ARHGAP32: variants seen among roughly 807,000 people sequenced by gnomAD.
ARHGAP32 encodes rho GTPase-activating protein 32.
ARHGAP32 carries 51 observed loss-of-function variants against 186.5 expected under a neutral mutation model. The observed-to-expected ratio is 0.27, with a 90% CI of 0.22 to 0.35. ARHGAP32 has a LOEUF of 0.35. ARHGAP32 is among the 10% of genes least tolerant of loss of function. The pLI is 1.00. For missense variants in ARHGAP32, 2,186 were observed against 2,623.5 expected (o/e 0.83, Z 3.64); for synonymous variants, 950 against 964.3 (o/e 0.99, Z 0.27).
intron 2 of ARHGAP32, 118 bp from the exon 3 acceptor site, chr11:129,125,012 G>C (rs1178916079): frequency 3.6e-6 from 2 of 561,506 alleles, no homozygotes; most frequent in South Asian, 3.5e-5. Flanking sequence ...AATATATCTT[G>C]GTTTAATAAT....
upstream of ARHGAP32, among the ~76,000 whole-genome samples, chr11:129,194,518 A>T (rs558692932): frequency 5.9e-5 from 9 of 152,344 alleles, no homozygotes; most frequent in African/African-American, 2.2e-4. Context: ...TATGTGCAGT[A>T]TGCTATGCTG....
intron 2 of ARHGAP32, among the ~76,000 whole-genome samples, chr11:129,152,361 G>A (rs538463907): frequency 2.0e-5 from 3 of 152,142 alleles, no homozygotes; most frequent in Admixed American, 2.0e-4. Context: ...CAGAGAAAGA[G>A]GAAATCCTTC....
At chr11:129,003,445 T>G (rs938535750) in intron 11 of ARHGAP32, among the ~76,000 whole-genome samples, 1 of 152,194 alleles carries the variant, frequency 6.6e-6, no homozygotes, top group African/African-American at 2.4e-5. Context: ...ATAGTTAGAG[T>G]ACAATTGGTA....
intron 2 of ARHGAP32, among the ~76,000 whole-genome samples, chr11:129,160,296 G>T (rs1163665827): frequency 2.0e-5 from 3 of 152,122 alleles, no homozygotes; most frequent in African/African-American, 7.2e-5. Context: ...CAAATAGGAA[G>T]AGAGGAAGTC....
At chr11:129,193,332 A>G (rs184364013), upstream of ARHGAP32, among the ~76,000 whole-genome samples, 17 of 14,168 alleles carry the variant, frequency 1.2e-3, no homozygotes, top group African/African-American at 2.0e-3. Context: ...GGGGGGCGGG[A>G]AACAGCCAAG....
intron 1 of ARHGAP32, among the ~76,000 whole-genome samples, chr11:129,242,719 A>G (rs1444331306): frequency 6.7e-6 from 1 of 148,170 alleles, no homozygotes; most frequent in Non-Finnish European, 1.5e-5. Context: ...CTCCACCTCA[A>G]AAAAAAAAAA....
At chr11:129,209,622 T>C (rs1009192782) in intron 1 of ARHGAP32, among the ~76,000 whole-genome samples, 2 of 152,036 alleles carry the variant, frequency 1.3e-5, no homozygotes, top group Non-Finnish European at 2.9e-5. Context: ...GCCATCATTT[T>C]TCTCAAAACT....
chr11:129,059,496 AT>A (rs10677456), intron 10 of ARHGAP32, among the ~76,000 whole-genome samples: 1,917 of 115,586 alleles, frequency 0.017, 23 homozygotes, highest in African/African-American at 0.036. Flanking sequence ...CTGATTTGCA[AT>A]TTTTTTTTTT....
chr11:129,193,499 A>AAAT (rs1555111156), upstream of ARHGAP32, among the ~76,000 whole-genome samples: 3 of 64,374 alleles, frequency 4.7e-5, no homozygotes, highest in African/African-American at 2.0e-4. Context: ...AAAAAAAAAA[A>AAAT]ATATATATAT....
intron 1 of ARHGAP32, among the ~76,000 whole-genome samples, chr11:129,269,204 G>A (rs1455048092): frequency 5.9e-5 from 9 of 152,134 alleles, no homozygotes; most frequent in African/African-American, 2.2e-4. Context: ...CCAGTAAGTC[G>A]AGGCTTCAGT....
chr11:129,095,258 C>T (rs912841805), intron 5 of ARHGAP32, among the ~76,000 whole-genome samples: 45 of 152,162 alleles, frequency 3.0e-4, no homozygotes, highest in African/African-American at 6.0e-4. Flanking sequence ...TGTGCTTGGA[C>T]GCCTGGCAGA....
intron 1 of ARHGAP32, among the ~76,000 whole-genome samples, chr11:129,183,150 C>T (rs541195825): frequency 2.0e-5 from 3 of 152,110 alleles, no homozygotes; most frequent in East Asian, 1.9e-4. Context: ...TTCCTATGAA[C>T]GTGGGTATAT....
At chr11:129,147,021 A>G (rs1943180757) in intron 2 of ARHGAP32, among the ~76,000 whole-genome samples, 2 of 152,200 alleles carry the variant, frequency 1.3e-5, no homozygotes, top group Admixed American at 6.5e-5. Flanking sequence ...GATTTTTGAG[A>G]GAAATGGTAG....
chr11:129,168,595 C>T (rs1042996590), intron 1 of ARHGAP32, among the ~76,000 whole-genome samples: 1 of 152,218 alleles, frequency 6.6e-6, no homozygotes, highest in African/African-American at 2.4e-5. Flanking sequence ...AAATCCCTCT[C>T]AATGGCTGAT....
intron 1 of ARHGAP32, among the ~76,000 whole-genome samples, chr11:129,204,502 C>G (rs1944493023): frequency 6.6e-6 from 1 of 152,270 alleles, no homozygotes; most frequent in Middle Eastern, 3.4e-3. Flanking sequence ...GAGTTTCTCC[C>G]ACGAAACTAG....
chr11:129,154,273 T>C (rs1943353728), intron 2 of ARHGAP32, among the ~76,000 whole-genome samples: 1 of 152,166 alleles, frequency 6.6e-6, no homozygotes, highest in African/African-American at 2.4e-5. Context: ...CACGTTTACA[T>C]TGCTGATGGG....
chr11:129,230,779 T>G (rs373894050), intron 1 of ARHGAP32, among the ~76,000 whole-genome samples: 148 of 152,254 alleles, frequency 9.7e-4, no homozygotes, highest in African/African-American at 3.5e-3. Context: ...ACTGGTTAAC[T>G]TGTAAAATAT....
upstream of ARHGAP32, among the ~76,000 whole-genome samples, chr11:129,194,620 C>A (rs969669380): frequency 1.3e-5 from 2 of 151,978 alleles, no homozygotes; most frequent in East Asian, 3.9e-4. Flanking sequence ...GTTGTCTCCA[C>A]GGAGGAAAAC....
At chr11:128,975,877 C>T (rs1026509065) in intron 20 of ARHGAP32, among the ~76,000 whole-genome samples, 5 of 151,960 alleles carry the variant, frequency 3.3e-5, no homozygotes, top group Admixed American at 1.3e-4. Context: ...GGCAAAACCC[C>T]GTATCTACTA....
Sources: allele counts gnomAD v4.1 joint callset (sites outside exome capture counted in the v4.1 genomes callset), GRCh38; gene constraint gnomAD v4.1.1; transcripts MANE v1.5; gene names NCBI Gene and HGNC (gene_info 2026-07-23, HGNC 2026-07-21).